Variants in CAPS2 observed in about 807,000 individuals in gnomAD.
The protein encoded by CAPS2 is calcyphosine 2, also known as calcyphosin-2.
In CAPS2, 98 loss-of-function variants were observed where a neutral mutation model predicts 86.5. The ratio of observed to expected loss-of-function variants is 1.13; its 90% CI spans 0.96 to 1.34. The LOEUF is 1.34. Ranked by LOEUF, CAPS2 falls within the 40% of genes most tolerant of loss-of-function variation. The pLI, the probability that CAPS2 is intolerant of heterozygous loss-of-function variation, is 0.00. For missense variants in CAPS2, 729 were observed against 686.8 expected, an observed-to-expected ratio of 1.06 and a Z score of -0.69; for synonymous variants, 210 against 225.1, an observed-to-expected ratio of 0.93 and a Z score of 0.60.
intron 1 of CAPS2, among the ~76,000 whole-genome samples, chr12:75,390,029 T>C (rs1392515867): frequency 6.6e-6 from 1 of 152,252 alleles, no homozygotes; most frequent in Non-Finnish European, 1.5e-5. Flanking sequence ...TTTCTTTTTA[T>C]AAATGTTTGG....
At chr12:75,351,518 T>G (rs1182626813) in intron 1 of CAPS2, among the ~76,000 whole-genome samples, 2 of 151,398 alleles carry the variant, frequency 1.3e-5, no homozygotes, top group African/African-American at 4.9e-5. Context: ...CAGAAGAGAT[T>G]GGGAACAATA....
chr12:75,303,684 C>T (rs1414442671), intron 8 of CAPS2, among the ~76,000 whole-genome samples: 1 of 152,196 alleles, frequency 6.6e-6, no homozygotes, highest in Non-Finnish European at 1.5e-5. Flanking sequence ...AACATGTCTA[C>T]ATCCTAATCC....
chr12:75,300,329 G>A (rs1243899982), intron 8 of CAPS2, among the ~76,000 whole-genome samples: 1 of 151,936 alleles, frequency 6.6e-6, no homozygotes, highest in Non-Finnish European at 1.5e-5. Flanking sequence ...GGCCGAGGCG[G>A]GTGGATCACG....
intron 11 of CAPS2, among the ~76,000 whole-genome samples, chr12:75,297,401 C>A (rs2037090343): frequency 6.6e-6 from 1 of 152,156 alleles, no homozygotes; most frequent in Admixed American, 6.5e-5. Flanking sequence ...TAACTGGCCA[C>A]CAAATTGTAC....
chr12:75,286,368 G>A (rs759865545), intron 14 of CAPS2, among the ~76,000 whole-genome samples: 82 of 152,000 alleles, frequency 5.4e-4, no homozygotes, highest in Non-Finnish European at 9.6e-4. Flanking sequence ...TGAGTAATAT[G>A]TACAGGAGAA....
chr12:75,334,441 G>C, upstream of CAPS2: 3 of 1,213,084 alleles, frequency 2.5e-6, no homozygotes, highest in Non-Finnish European at 3.1e-6. Context: ...GCGCTCTGCA[G>C]ATTACAGATT....
upstream of CAPS2, chr12:75,329,929 T>G: frequency 7.0e-7 from 1 of 1,422,308 alleles, no homozygotes; most frequent in Non-Finnish European, 9.7e-7. Flanking sequence ...TGATTTCACC[T>G]AACAAGCTCG....
chr12:75,291,554 C>CTAAA (rs2035906553), intron 13 of CAPS2, among the ~76,000 whole-genome samples, 190 bp downstream of exon 13: 1 of 23,712 alleles, frequency 4.2e-5, no homozygotes, highest in Non-Finnish European at 7.0e-5. Context: ...ATATATATAG[C>CTAAA]TTATTTTTAA....
At chr12:75,287,513 A>G (rs1399109438) in intron 14 of CAPS2, among the ~76,000 whole-genome samples, 1 of 152,010 alleles carries the variant, frequency 6.6e-6, no homozygotes, top group African/African-American at 2.4e-5. Context: ...CTTTTGTCCA[A>G]TCACATTTCT....
chr12:75,379,827 T>C (rs1479532623), intron 1 of CAPS2, among the ~76,000 whole-genome samples: 2 of 147,806 alleles, frequency 1.4e-5, no homozygotes, highest in Non-Finnish European at 3.0e-5. Context: ...CTGTAGTTTA[T>C]TATTATTATG....
intron 1 of CAPS2, among the ~76,000 whole-genome samples, chr12:75,361,956 T>G (rs1424527133): frequency 6.6e-6 from 1 of 152,072 alleles, no homozygotes; most frequent in Non-Finnish European, 1.5e-5. Context: ...AACAAAAACC[T>G]CTACGACCTT....
intron 15 of CAPS2, among the ~76,000 whole-genome samples, chr12:75,284,451 A>G (rs1170372353): frequency 6.6e-6 from 1 of 152,176 alleles, no homozygotes; most frequent in African/African-American, 2.4e-5. Flanking sequence ...CCAATTTAAC[A>G]TGATTATCTT....
chr12:75,365,500 A>T (rs1046568127), intron 1 of CAPS2, among the ~76,000 whole-genome samples: 11 of 152,310 alleles, frequency 7.2e-5, no homozygotes, highest in Non-Finnish European at 1.5e-4. Flanking sequence ...ACTTTTAAAT[A>T]ACCTTTGAAT....
At position 75,289,554 on chromosome 12, in the gene CAPS2, G is replaced by T; in HGVS notation, c.1395+67C>A. On this transcript the variant is annotated intron_variant, in intron 14 of 16. Coordinates refer to ENST00000393284, the Ensembl canonical transcript of CAPS2. The stretch of plus-strand genomic sequence containing the variant: ...ATAAATGAAAACTAAAATTTCAGTA[G>T]AACAGTGAATAATGCCACCTAAGAA... The T allele has an allele frequency of 1.2e-5, 17 of 1,381,548 alleles. No individual in the cohort carries two copies. In the South Asian group the frequency reaches 2.2e-4, roughly 18 times the overall value. The allele number at this position is 1,381,548 out of a possible 1,614,324, so 85.6% of individuals were successfully genotyped here. A position where few individuals can be genotyped will look rare whatever the true frequency, so the allele number is the denominator to read the frequency against.
chr12:75,299,802 C>G, intron 9 of CAPS2, 35 bp downstream of exon 9: 2 of 1,025,028 alleles, frequency 2.0e-6, no homozygotes, highest in Non-Finnish European at 2.9e-6. Context: ...TTTTTATAAT[C>G]ATAGGATTAA....
At chr12:75,364,316 G>T (rs953700121) in intron 1 of CAPS2, among the ~76,000 whole-genome samples, 1 of 152,180 alleles carries the variant, frequency 6.6e-6, no homozygotes, top group Non-Finnish European at 1.5e-5. Flanking sequence ...CAGATGGTTG[G>T]GGGGCTTAGA....
At chr12:75,387,215 G>A (rs66864793) in intron 1 of CAPS2, among the ~76,000 whole-genome samples, 25,759 of 151,970 alleles carry the variant, frequency 0.17, 2,383 homozygotes, top group Admixed American at 0.24. Context: ...CTCAACAATC[G>A]AAAAACAAAC....
chr12:75,343,584 A>G, intron 1 of CAPS2: 1 of 830,682 alleles, frequency 1.2e-6, no homozygotes, highest in Non-Finnish European at 1.8e-6. Context: ...GAAAAACTAC[A>G]TCTTATTAAA....
At chr12:75,307,791 T>C (rs1162150496) in intron 7 of CAPS2, among the ~76,000 whole-genome samples, 1 of 152,086 alleles carries the variant, frequency 6.6e-6, no homozygotes, top group African/African-American at 2.4e-5. Context: ...GGATTTGAGG[T>C]CACCAAGTAG....
Sources: gnomAD v4.1 joint callset for allele counts (sites outside exome capture counted in the v4.1 genomes callset) on GRCh38, gnomAD v4.1.1 for gene constraint, MANE v1.5 for transcripts, NCBI Gene and HGNC (gene_info 2026-07-23, HGNC 2026-07-21) for gene names.